The following EPC1 variants were observed in gnomAD, a reference collection of about 807,000 sequenced individuals.
EPC1 encodes the protein enhancer of polycomb 1.
Under a neutral mutation model 98.4 loss-of-function variants are expected in EPC1, and 12 were observed. The ratio of observed to expected loss-of-function variants is 0.12; its 90% CI spans 0.08 to 0.20. The LOEUF (loss-of-function observed/expected upper bound fraction) is 0.20. Among genes scored for constraint, EPC1 ranks in the 10% least tolerant of loss-of-function variants. The probability of loss-of-function intolerance (pLI) is 1.00; values close to 1 mark genes in which losing one functional copy is unlikely to be tolerated. For synonymous variants in EPC1, 357 were observed against 363.9 expected (o/e 0.98, Z 0.21); for missense variants, 729 against 990.5 (o/e 0.74, Z 3.54).
chr10:32,290,505 A>AAAAAAAAAG (rs1554819136), intron 6 of EPC1, among the ~76,000 whole-genome samples: 3 of 77,474 alleles, frequency 3.9e-5, no homozygotes, highest in African/African-American at 1.7e-4. Context: ...AAAAAAAAAA[A>AAAAAAAAAG]AAAGAAAGAA....
intron 10 of EPC1, chr10:32,282,923 A>C (rs1018954253): frequency 6.6e-6 from 1 of 151,954 alleles, no homozygotes; most frequent in Middle Eastern, 3.4e-3. Flanking sequence ...CTAACACTAT[A>C]AGTAAGTCTT....
chr10:32,368,997 C>A (rs900018393), intron 1 of EPC1, among the ~76,000 whole-genome samples: 1 of 152,196 alleles, frequency 6.6e-6, no homozygotes, highest in Non-Finnish European at 1.5e-5. Flanking sequence ...ACAGATCAGA[C>A]AAAGCCGTGT....
In EPC1 at chr10:32,271,569, A is replaced by G; in HGVS notation, c.2354T>C (p.Val785Ala). 6.2e-7 allele frequency: 1 copy of G among 1,614,000 alleles called. No homozygotes were observed. Reference protein sequence around the residue: ...QVSKVPSSSSVDSVPRENHES... With the variant: ...QVSKVPSSSSADSVPRENHES... ...AACTACTCACCTTGGAACTGAATCT[A>G]CAGAGGATGAAGATGGGACCTTGGA... The change falls in exon 13 of 14, where the codon GTA (valine) becomes GCA (alanine). Residue 785 changes from valine (V) to alanine (A), a missense_variant. By Grantham distance (64) the Val-to-Ala change is moderately conservative. Transcript: ENST00000319778.
At chr10:32,339,724 A>C (rs1242725018) in intron 1 of EPC1, among the ~76,000 whole-genome samples, 1 of 152,200 alleles carries the variant, frequency 6.6e-6, no homozygotes, top group African/African-American at 2.4e-5. Flanking sequence ...AAATTCTATT[A>C]GTGTTTGGTA....
chr10:32,289,716 C>T (rs891273747), intron 6 of EPC1, among the ~76,000 whole-genome samples: 21 of 151,928 alleles, frequency 1.4e-4, no homozygotes, highest in South Asian at 2.1e-4. Flanking sequence ...CTCTGCCTCC[C>T]AGGTTCACGC....
chr10:32,289,901 G>C (rs1185997350), intron 6 of EPC1, among the ~76,000 whole-genome samples: 2 of 152,190 alleles, frequency 1.3e-5, no homozygotes, highest in East Asian at 3.9e-4. Context: ...TAGGATTACA[G>C]GCATGAACCA....
At chr10:32,295,183 T>C (rs1835078530) in intron 2 of EPC1, among the ~76,000 whole-genome samples, 1 of 152,184 alleles carries the variant, frequency 6.6e-6, no homozygotes, top group Non-Finnish European at 1.5e-5. Context: ...TCTTTACTTC[T>C]GTACCGCTAA....
At chr10:32,314,372 T>C (rs1836431526) in intron 1 of EPC1, among the ~76,000 whole-genome samples, 1 of 152,194 alleles carries the variant, frequency 6.6e-6, no homozygotes, top group Non-Finnish European at 1.5e-5. Context: ...TTTGCTATCA[T>C]GGCACCCAGC....
intron 9 of EPC1, chr10:32,285,289 A>G (rs941378256): frequency 1.2e-5 from 5 of 417,538 alleles, no homozygotes; most frequent in Non-Finnish European, 2.1e-5. Context: ...CAAAGCACCA[A>G]AATGAATGCT....
chr10:32,276,052 T>C (rs766847077), intron 10 of EPC1, among the ~76,000 whole-genome samples: 9 of 152,240 alleles, frequency 5.9e-5, no homozygotes, highest in Admixed American at 1.3e-4. Flanking sequence ...TTTTGGCAAA[T>C]AGTCTAGGAG....
intron 1 of EPC1, among the ~76,000 whole-genome samples, chr10:32,362,831 A>G (rs987467681): frequency 2.0e-5 from 3 of 152,106 alleles, no homozygotes; most frequent in Admixed American, 2.0e-4. Flanking sequence ...GCCCCCTTTT[A>G]AAAGTGCCTG....
At chr10:32,295,924 C>T (rs1321515790) in intron 2 of EPC1, among the ~76,000 whole-genome samples, 2 of 142,466 alleles carry the variant, frequency 1.4e-5, no homozygotes, top group African/African-American at 2.6e-5. Flanking sequence ...TCTCAATGTT[C>T]TTTTTTTTTT....
At chr10:32,305,065 A>G (rs1592575144) in intron 2 of EPC1, among the ~76,000 whole-genome samples, 1 of 152,250 alleles carries the variant, frequency 6.6e-6, no homozygotes, top group African/African-American at 2.4e-5. Context: ...ATTGAGTAAA[A>G]GCTCTCAGCT....
At chr10:32,371,876 C>T (rs926477301) in intron 1 of EPC1, among the ~76,000 whole-genome samples, 1 of 151,392 alleles carries the variant, frequency 6.6e-6, no homozygotes, top group Non-Finnish European at 1.5e-5. Flanking sequence ...GCACTTCAGA[C>T]TGGGCAGCAG....
chr10:32,276,012 G>T (rs1200855094), intron 10 of EPC1, among the ~76,000 whole-genome samples: 2 of 152,092 alleles, frequency 1.3e-5, no homozygotes, highest in Non-Finnish European at 2.9e-5. Context: ...GTCTTCTACA[G>T]AGTCTAGTTA....
At position 32,302,083 on chromosome 10, in the gene EPC1, C is replaced by A. The variant is rs1233361057; in HGVS notation, c.313+3689G>T. Among the ~76,000 whole-genome samples, 3 of 151,424 alleles carry A rather than the reference C, an allele frequency of 2.0e-5. No homozygotes were observed. In the East Asian group the frequency reaches 5.9e-4, roughly 30 times the overall value. On this transcript the variant is annotated intron_variant, in intron 2 of 13. Transcript: ENST00000319778. ...GGTCAGGAGATCGAGACCGTCCTAG[C>A]TAACATGGTGAAACCCCATCTCTAC...
At chr10:32,272,930 A>C (rs11594459) in intron 11 of EPC1, 199,025 of 1,135,402 alleles carry the variant, frequency 0.18, 19,777 homozygotes, top group South Asian at 0.31. Context: ...TCAGACGGGA[A>C]GACAGTATCT....
chr10:32,318,275 G>C (rs12246404), intron 1 of EPC1, among the ~76,000 whole-genome samples: 1 of 152,116 alleles, frequency 6.6e-6, no homozygotes, highest in Non-Finnish European at 1.5e-5. Context: ...AAACAGCCCC[G>C]AGAGCAGTAA....
intron 1 of EPC1, among the ~76,000 whole-genome samples, chr10:32,307,401 T>C (rs1374970663): frequency 1.3e-5 from 2 of 152,268 alleles, no homozygotes; most frequent in Non-Finnish European, 2.9e-5. Context: ...TAAGTAACTA[T>C]TTCTCAATAT....
Sources: gnomAD v4.1 joint callset for allele counts (sites outside exome capture counted in the v4.1 genomes callset) on GRCh38, gnomAD v4.1.1 for gene constraint, MANE v1.5 for transcripts, NCBI Gene and HGNC (gene_info 2026-07-23, HGNC 2026-07-21) for gene names.